The following ZNF718 variants were observed in gnomAD, a reference collection of about 807,000 sequenced individuals.
ZNF718 encodes zinc finger protein 718.
In ZNF718, 3 loss-of-function variants were observed where a neutral mutation model predicts 2.6. The observed-to-expected ratio is 1.16, with a 90% confidence interval of 0.53 to 3.01. The LOEUF is 3.01. ZNF718 is among the 30% of genes most tolerant of loss of function. The pLI, the probability that ZNF718 is intolerant of heterozygous loss-of-function variation, is 0.03. For missense variants in ZNF718, 468 were observed against 230.0 expected, an observed-to-expected ratio of 2.03 and a Z score of -6.69; for synonymous variants, 135 against 77.9, an observed-to-expected ratio of 1.73 and a Z score of -3.86.
In ZNF718 at chr4:193,663, G is replaced by A. The variant is rs372431686; in HGVS notation, c.227-7418G>A. On this transcript the variant is annotated intron_variant and NMD_transcript_variant, in intron 3 of 4. Coordinates refer to the ZNF718 transcript ENST00000642529. The stretch of plus-strand genomic sequence containing the variant: ...TGACAGATCTGGAGGACAGTTGTCC[G>A]GGAGAGGAGAGTAAGACTGAGAAGG... 2.6e-5 allele frequency among the ~76,000 whole-genome samples: 4 copies of A among 152,202 alleles called. No homozygotes were observed. The South Asian group carries it at 6.2e-4, about 24-fold the overall frequency.
At chr4:126,951 G>A (rs190661629) in intron 1 of ZNF718, among the ~76,000 whole-genome samples, 12 of 151,966 alleles carry the variant, frequency 7.9e-5, no homozygotes, top group African/African-American at 2.9e-4. Context: ...TCAGCCTCCT[G>A]AGTAGTTGGG....
At chr4:126,371 A>G (rs979644225) in intron 1 of ZNF718, among the ~76,000 whole-genome samples, 1 of 152,218 alleles carries the variant, frequency 6.6e-6, no homozygotes, top group Admixed American at 6.5e-5. Flanking sequence ...TTTGAAATAT[A>G]TGTAAATCAT....
At chr4:185,694 A>G (rs1462754664) in intron 3 of ZNF718, among the ~76,000 whole-genome samples, 3 of 152,126 alleles carry the variant, frequency 2.0e-5, no homozygotes, top group African/African-American at 7.2e-5. Context: ...TTGGGTACAT[A>G]TATATTTAGG....
At position 162,340 on chromosome 4, in the gene ZNF718, C is replaced by T; in HGVS notation, c.*218C>T. On this transcript the variant is annotated 3_prime_UTR_variant, in exon 4 of 4. Coordinates refer to ENST00000510175, the MANE Select transcript of ZNF718 (RefSeq NM_001039127.6). ...TTGTCACATATTACTGAATATAATT[C>T]TTACTGCAGAAAACCCCTAGGAATA... The T allele has an allele frequency of 2.4e-6, 1 of 421,160 alleles. No individual in the cohort carries two copies. The highest frequency in any genetic ancestry group is 4.2e-6 in the Non-Finnish European group (1 of 237,802). The allele number at this position is 421,160 out of a possible 1,614,324, so 26.1% of individuals were successfully genotyped here. A position where few individuals can be genotyped will look rare whatever the true frequency, so the allele number is the denominator to read the frequency against.
In ZNF718 at chr4:162,256, GAA is replaced by G. The variant is rs2108805106; in HGVS notation, c.*136_*137del. The G allele has an allele frequency of 3.8e-6, 2 of 533,296 alleles. No homozygotes were observed. Among genetic ancestry groups the G allele is most frequent in the East Asian group, 5.7e-5 (2 of 34,932 alleles). 33.0% of individuals were successfully genotyped at this position (533,296 alleles called of 1,614,324 possible). A position where few individuals can be genotyped will look rare whatever the true frequency, so the allele number is the denominator to read the frequency against. On this transcript the variant is annotated 3_prime_UTR_variant, in exon 4 of 4. Transcript: ENST00000510175. ...AACTCAATCTGTTCTAAACATAAGAGAAATGGTATTGGTGAGAAGCCATAAAA... is the reference window on the plus strand; with the variant it reads ...AACTCAATCTGTTCTAAACATAAGAGATGGTATTGGTGAGAAGCCATAAAA...
rs1414158061 is a variant in ZNF718, at chr4:127,294, C to G, written c.3+2621C>G. On this transcript the variant is annotated intron_variant, in intron 1 of 3. Transcript: ENST00000510175. Reference sequence around the variant, plus strand: ...GCAAGGTGCTCCCCAAATCTGCAAACAAAATAGTCTCTCTATTTGGGATCT... The same window carrying G: ...GCAAGGTGCTCCCCAAATCTGCAAAGAAAATAGTCTCTCTATTTGGGATCT... Among the ~76,000 whole-genome samples, 2 of 104,596 alleles carry G rather than the reference C, an allele frequency of 1.9e-5. 1 individual carries two copies. Among genetic ancestry groups the G allele is most frequent in the African/African-American group, 6.6e-5 (2 of 30,220 alleles). The allele number at this position is 104,596 out of a possible 152,430, so 68.6% of individuals were successfully genotyped here. A position where few individuals can be genotyped will look rare whatever the true frequency, so the allele number is the denominator to read the frequency against.
chr4:144,758 T>C (rs994350804), intron 3 of ZNF718, among the ~76,000 whole-genome samples: 19 of 152,218 alleles, frequency 1.2e-4, no homozygotes, highest in African/African-American at 4.6e-4. Flanking sequence ...TTAATTTTAA[T>C]TTGTGGCTAC....
chr4:160,706 T>C (rs1553814717), intron 3 of ZNF718, among the ~76,000 whole-genome samples: 1 of 152,060 alleles, frequency 6.6e-6, no homozygotes, highest in African/African-American at 2.4e-5. Flanking sequence ...TGCACCATCA[T>C]TCCCAGCACA....
chr4:181,658 A>C (rs1553819829), intron 3 of ZNF718, among the ~76,000 whole-genome samples: 2 of 152,014 alleles, frequency 1.3e-5, no homozygotes, highest in Non-Finnish European at 2.9e-5. Flanking sequence ...TATTTTTTTC[A>C]CTGTATTTCC....
At chr4:143,823 CAG>C (rs1715920921) in intron 3 of ZNF718, among the ~76,000 whole-genome samples, 1 of 152,096 alleles carries the variant, frequency 6.6e-6, no homozygotes, top group Non-Finnish European at 1.5e-5. Flanking sequence ...CTCCACTAGA[CAG>C]AACAGGGCGA....
At chr4:190,193 G>C (rs1717663538) in intron 3 of ZNF718, among the ~76,000 whole-genome samples, 1 of 152,092 alleles carries the variant, frequency 6.6e-6, no homozygotes, top group South Asian at 2.1e-4. Context: ...TACTTTGGGA[G>C]GCCGAGGCAG....
At chr4:181,668 C>T (rs1052736939) in intron 3 of ZNF718, among the ~76,000 whole-genome samples, 3 of 151,790 alleles carry the variant, frequency 2.0e-5, no homozygotes, top group African/African-American at 4.8e-5. Context: ...ACTGTATTTC[C>T]AACTCTTAAG....
intron 3 of ZNF718, among the ~76,000 whole-genome samples, chr4:150,946 A>G (rs552265058): frequency 1.3e-5 from 2 of 152,234 alleles, no homozygotes; most frequent in Non-Finnish European, 2.9e-5. Flanking sequence ...GATGAGTCAA[A>G]GAAACAGTCT....
chr4:173,206 T>G (rs1717275318), intron 3 of ZNF718, among the ~76,000 whole-genome samples: 1 of 152,054 alleles, frequency 6.6e-6, no homozygotes, highest in South Asian at 2.1e-4. Flanking sequence ...AGCAACTCCG[T>G]ACTTACAGCA....
intron 3 of ZNF718, among the ~76,000 whole-genome samples, chr4:181,036 C>T (rs1252043169): frequency 6.6e-6 from 1 of 151,650 alleles, no homozygotes; most frequent in East Asian, 1.9e-4. Flanking sequence ...TTATTTTTCT[C>T]TTGTTTTGAG....
chr4:175,926 G>T (rs1045699757), intron 3 of ZNF718, among the ~76,000 whole-genome samples: 1 of 136,552 alleles, frequency 7.3e-6, no homozygotes, highest in South Asian at 2.4e-4. Flanking sequence ...GCGCTATCTC[G>T]GCTCACTGCA....
chr4:160,631 C>T (rs552921775), intron 3 of ZNF718, among the ~76,000 whole-genome samples: 77 of 152,206 alleles, frequency 5.1e-4, no homozygotes, highest in Non-Finnish European at 9.6e-4. Flanking sequence ...CTGATGGAAG[C>T]CTCTACCTCC....
rs570196466 is a variant in ZNF718 at position 139,919 on chromosome 4, G to A, written c.226+8414G>A. 2.3e-3 allele frequency among the ~76,000 whole-genome samples: 353 copies of A among 152,162 alleles called. 1 individual carries two copies. Among genetic ancestry groups the A allele is most frequent in the Non-Finnish European group, 3.8e-3 (261 of 67,996 alleles). ...AGAGAAGGCTGACTGCCACCTCCTG[G>A]TTTGCTTAAGGAACCTGGGTCTTTT... On this transcript the variant is annotated intron_variant, in intron 3 of 3. Coordinates refer to ENST00000510175, the MANE Select transcript of ZNF718 (RefSeq NM_001039127.6).
chr4:180,610 A>T (rs1717444896), intron 3 of ZNF718, among the ~76,000 whole-genome samples: 1 of 152,232 alleles, frequency 6.6e-6, no homozygotes, highest in Non-Finnish European at 1.5e-5. Context: ...AGCATTGATG[A>T]TGTAAAGTGA....
Sources: allele counts gnomAD v4.1 joint callset (sites outside exome capture counted in the v4.1 genomes callset), GRCh38; gene constraint gnomAD v4.1.1; transcripts MANE v1.5; gene names NCBI Gene and HGNC (gene_info 2026-07-23, HGNC 2026-07-21).